SDHAF4: variants seen among roughly 807,000 people sequenced by gnomAD.
The protein encoded by SDHAF4 is succinate dehydrogenase complex assembly factor 4.
A neutral mutation model predicts 14.3 loss-of-function variants in SDHAF4; 14 were observed. The observed-to-expected ratio is 0.98, with a 90% confidence interval of 0.65 to 1.53. SDHAF4 has a LOEUF of 1.53. Among genes scored for constraint, SDHAF4 ranks in the 40% most tolerant of loss-of-function variants. The probability of loss-of-function intolerance (pLI) is 0.00; values close to 1 mark genes in which losing one functional copy is unlikely to be tolerated. For synonymous variants in SDHAF4, 63 were observed against 47.3 expected (o/e 1.33, Z -1.36); for missense variants, 141 against 129.3 (o/e 1.09, Z -0.44).
chr6:70,571,791 TA>T (rs1335266718), intron 1 of SDHAF4, among the ~76,000 whole-genome samples: 1 of 152,206 alleles, frequency 6.6e-6, no homozygotes, highest in African/African-American at 2.4e-5. Flanking sequence ...GGGAAGACTT[TA>T]AATTACTTGT....
downstream of SDHAF4, among the ~76,000 whole-genome samples, chr6:70,591,615 C>T (rs146147107): frequency 4.2e-3 from 635 of 152,018 alleles, 5 homozygotes; most frequent in African/African-American, 0.015. Flanking sequence ...TGTGAGCCAC[C>T]GCGCCCGGCC....
the SDHAF4 span, among the ~76,000 whole-genome samples, chr6:70,595,850 A>G: frequency 1.6e-5 from 2 of 123,766 alleles, no homozygotes; most frequent in African/African-American, 6.8e-5. Context: ...AAAAAAAAAA[A>G]AAGAAAAGAA....
chr6:70,576,948 CAGG>C, intron 1 of SDHAF4, among the ~76,000 whole-genome samples: 1 of 152,174 alleles, frequency 6.6e-6, no homozygotes, highest in Non-Finnish European at 1.5e-5. Flanking sequence ...GTTTGGAGGT[CAGG>C]AGTCTGGAAG....
chr6:70,578,417 C>T (rs1013298349), intron 1 of SDHAF4, among the ~76,000 whole-genome samples: 11 of 151,944 alleles, frequency 7.2e-5, no homozygotes, highest in South Asian at 2.1e-4. Context: ...TTTTTTAGTG[C>T]GGTTGTTGTT....
At chr6:70,570,312 T>C (rs889444917) in intron 1 of SDHAF4, among the ~76,000 whole-genome samples, 1 of 152,210 alleles carries the variant, frequency 6.6e-6, no homozygotes, top group Non-Finnish European at 1.5e-5. Context: ...GGTGACAGTC[T>C]AGTTTCTCCC....
At chr6:70,595,636 C>G in the SDHAF4 span, among the ~76,000 whole-genome samples, 1 of 151,958 alleles carries the variant, frequency 6.6e-6, no homozygotes. Flanking sequence ...AATCCCAGCA[C>G]TTTGGGAGGC....
chr6:70,588,513 C>G (rs911647493), intron 2 of SDHAF4, 102 bp from the exon 3 acceptor site: 21 of 513,572 alleles, frequency 4.1e-5, no homozygotes, highest in Non-Finnish European at 6.4e-5. Context: ...GAGGGAGACT[C>G]TGTCTCAAAA....
intron 2 of SDHAF4, among the ~76,000 whole-genome samples, chr6:70,586,892 G>A (rs1765207283): frequency 6.6e-6 from 1 of 152,184 alleles, no homozygotes; most frequent in Admixed American, 6.5e-5. Context: ...CAGGCGGCCG[G>A]GCACAGTGGC....
At chr6:70,587,168 T>TCTCACACACA (rs1554183341) in intron 2 of SDHAF4, among the ~76,000 whole-genome samples, 1 of 135,448 alleles carries the variant, frequency 7.4e-6, no homozygotes, top group Non-Finnish European at 1.6e-5. Flanking sequence ...TGAAACTCCA[T>TCTCACACACA]CACACACACA....
At chr6:70,568,962 CTT>C (rs5877254) in intron 1 of SDHAF4, among the ~76,000 whole-genome samples, 535 of 97,946 alleles carry the variant, frequency 5.5e-3, no homozygotes, top group African/African-American at 0.012. Flanking sequence ...TTTCTTTTTT[CTT>C]TTTTTTTTTT....
chr6:70,581,174 C>G (rs1287313586), intron 2 of SDHAF4, among the ~76,000 whole-genome samples: 3 of 150,994 alleles, frequency 2.0e-5, no homozygotes, highest in Non-Finnish European at 4.5e-5. Context: ...AAGTGACCAA[C>G]CCCCCTCGGC....
chr6:70,575,823 T>C (rs78989877), intron 1 of SDHAF4, among the ~76,000 whole-genome samples: 2,013 of 151,280 alleles, frequency 0.013, 51 homozygotes, highest in African/African-American at 0.046. Context: ...TCTAAATAGG[T>C]TTGGATAAAG....
intron 2 of SDHAF4, among the ~76,000 whole-genome samples, chr6:70,583,956 T>G (rs917280927): frequency 6.6e-6 from 1 of 152,220 alleles, no homozygotes; most frequent in Non-Finnish European, 1.5e-5. Context: ...ATTAGCTTTA[T>G]TAAATATAGT....
At position 70,579,553 on chromosome 6, in the gene SDHAF4, A is replaced by T. The variant is rs2128535046; in HGVS notation, c.204A>T (p.Lys68Asn). Residue 68 changes from lysine to asparagine, a missense_variant, in exon 2 of 3, where the codon AAA (lysine) becomes AAT (asparagine). Coordinates refer to ENST00000370474, the MANE Select transcript of SDHAF4 (RefSeq NM_145267.3). ...FDAPEDSHLE[K>N]EPLEKFPDDV... ...CACCAGAGGATTCCCATTTAGAGAA[A>T]GAACCACTGGAAAGTAAGTATAATA... is the stretch of plus-strand genomic sequence containing the variant. 3 of 1,603,008 alleles carry T rather than the reference A, an allele frequency of 1.9e-6. No homozygotes were observed. The East Asian group carries it at 6.8e-5, about 36-fold the overall frequency.
downstream of SDHAF4, among the ~76,000 whole-genome samples, chr6:70,589,770 T>A (rs1177637243): frequency 2.6e-5 from 4 of 152,202 alleles, no homozygotes; most frequent in Non-Finnish European, 5.9e-5. Flanking sequence ...ATTTAACTTC[T>A]CTGTGCTTCA....
intron 1 of SDHAF4, among the ~76,000 whole-genome samples, chr6:70,578,473 C>G (rs1802283767): frequency 6.6e-6 from 1 of 152,226 alleles, no homozygotes; most frequent in South Asian, 2.1e-4. Context: ...GGATATGAGA[C>G]TTTTCTCAGA....
intron 2 of SDHAF4, among the ~76,000 whole-genome samples, chr6:70,587,825 TAAG>T (rs1459851820): frequency 6.6e-6 from 1 of 152,178 alleles, no homozygotes; most frequent in Non-Finnish European, 1.5e-5. Flanking sequence ...CACATAGTAC[TAAG>T]AATAATAATT....
intron 2 of SDHAF4, 106 bp downstream of exon 2, chr6:70,579,672 T>C: frequency 1.1e-6 from 1 of 894,480 alleles, no homozygotes; most frequent in Non-Finnish European, 1.6e-6. Flanking sequence ...TTAAATTCTG[T>C]AGTAATAAAG....
chr6:70,568,306 C>G (rs1452270084), intron 1 of SDHAF4, among the ~76,000 whole-genome samples: 1 of 151,954 alleles, frequency 6.6e-6, no homozygotes, highest in Non-Finnish European at 1.5e-5. Flanking sequence ...CACACACACA[C>G]GTAGCACACA....
Sources: gnomAD v4.1 joint callset for allele counts (sites outside exome capture counted in the v4.1 genomes callset) on GRCh38, gnomAD v4.1.1 for gene constraint, MANE v1.5 for transcripts, NCBI Gene and HGNC (gene_info 2026-07-23, HGNC 2026-07-21) for gene names.